The following AGAP1 variants were observed in gnomAD, a reference collection of about 807,000 sequenced individuals.
AGAP1 encodes the protein ArfGAP with GTPase domain, ankyrin repeat and PH domain 1.
In AGAP1, 29 loss-of-function variants were observed where a neutral mutation model predicts 105.3. The ratio of observed to expected loss-of-function variants is 0.28; its 90% CI spans 0.21 to 0.38. AGAP1 has a LOEUF of 0.38. AGAP1 is among the 10% of genes least tolerant of loss of function. The pLI is 1.00. For synonymous variants in AGAP1, 509 were observed against 485.9 expected (o/e 1.05, Z -0.63); for missense variants, 998 against 1,165.1 (o/e 0.86, Z 2.09).
rs1427732979 is a variant in AGAP1, at chr2:235,686,657, A to T, written c.164-22522A>T. 1.9e-3 allele frequency among the ~76,000 whole-genome samples: 101 copies of T among 54,230 alleles called. 2 individuals carry two copies. Among genetic ancestry groups the T allele is most frequent in the Middle Eastern group, 0.021 (2 of 96 alleles). 35.6% of individuals were successfully genotyped at this position (54,230 alleles called of 152,430 possible). ...TATATATATATATAGATATATATAT[A>T]TATATATATTTTTTTTTTTTTTTAG... On this transcript the variant is annotated intron_variant, in intron 1 of 17. Coordinates refer to ENST00000304032, the MANE Select transcript of AGAP1 (RefSeq NM_001037131.3).
At position 235,741,048 on chromosome 2, in the gene AGAP1, G is replaced by T; in HGVS notation, c.396G>T (p.Gln132His). Residue 132 changes from glutamine to histidine, a missense_variant and splice_region_variant, in exon 4 of 18, where the codon CAG (glutamine) becomes CAT (histidine). Gln to His is a conservative substitution (Grantham distance 24, BLOSUM62 0). Coordinates refer to ENST00000304032, the MANE Select transcript of AGAP1 (RefSeq NM_001037131.3). The surrounding 1 kb of genome is among the most constrained non-coding windows in gnomAD (Gnocchi z 4.9). ...ATGAAGGGGGCCCCCCGGAGGCGCA[G>T]GTGAGTATACATGCATGCCCCAAGC... ...IRDEGGPPEA[Q>H]FAMWVDAVIF... 1 of 1,613,942 alleles carries T rather than the reference G, an allele frequency of 6.2e-7. No individual in the cohort carries two copies. The highest frequency in any genetic ancestry group is 8.5e-7 in the Non-Finnish European group (1 of 1,179,860).
rs1949611039 is a variant in AGAP1, at chr2:235,689,062, TTG to T, written c.164-20116_164-20115del. Among the ~76,000 whole-genome samples the T allele has an allele frequency of 6.6e-6, 1 of 152,148 alleles. No homozygotes were observed. The highest frequency in any genetic ancestry group is 2.1e-4 in the South Asian group (1 of 4,820). ...CCCATAAATCTATAAGATTGATTGA[TTG>T]GTTATCTGTAGGAGACATCTACGTA... On this transcript the variant is annotated intron_variant, in intron 1 of 17. Coordinates refer to ENST00000304032, the MANE Select transcript of AGAP1 (RefSeq NM_001037131.3). The surrounding 1 kb of genome is among the most constrained non-coding windows in gnomAD (Gnocchi z 4.2).
intron 16 of AGAP1, among the ~76,000 whole-genome samples, chr2:236,110,393 C>CAA (rs11401711): frequency 0.076 from 11,060 of 145,086 alleles, 1,334 homozygotes; most frequent in African/African-American, 0.26. Context: ...CCCTTCTCTA[C>CAA]AAAAAAAAAA....
At chr2:236,060,437 C>T (rs1401397679) in intron 16 of AGAP1, among the ~76,000 whole-genome samples, 1 of 152,142 alleles carries the variant, frequency 6.6e-6, no homozygotes, top group Non-Finnish European at 1.5e-5. Flanking sequence ...GCCTGTAACC[C>T]TAGCACTTTG....
Position 235,875,099 on chromosome 2 carries a change from T to C in AGAP1, c.1051-8246T>C, listed in dbSNP as rs1371989084. 1.3e-5 allele frequency among the ~76,000 whole-genome samples: 2 copies of C among 152,144 alleles called. No homozygotes were observed. The highest frequency in any genetic ancestry group is 2.9e-5 in the Non-Finnish European group (2 of 68,024). ...GGGTCCTGGGATGGAGAGAGCCCTG[T>C]CACCCCCTCTCCCCCATCTGCCCTT... On this transcript the variant is annotated intron_variant, in intron 9 of 17. Coordinates refer to ENST00000304032, the MANE Select transcript of AGAP1 (RefSeq NM_001037131.3). The surrounding 1 kb of genome is among the most constrained non-coding windows in gnomAD (Gnocchi z 4.0).
In AGAP1 at chr2:236,042,705, G is replaced by A. The variant is rs898781585; in HGVS notation, c.1891+1864G>A. Among the ~76,000 whole-genome samples, 3 of 152,144 alleles carry A rather than the reference G, an allele frequency of 2.0e-5. No individual in the cohort carries two copies. Among genetic ancestry groups the A allele is most frequent in the South Asian group, 2.1e-4 (1 of 4,826 alleles). On this transcript the variant is annotated intron_variant, in intron 15 of 17. Coordinates refer to ENST00000304032, the MANE Select transcript of AGAP1 (RefSeq NM_001037131.3). This position sits in a 1 kb window ranked among gnomAD's most constrained non-coding sequence, Gnocchi z 5.6. ...CTGAGATGAGCTTGTGCATGTGAGT[G>A]CGGATGGGGGGTGGGAAAGGGAGGC...
rs1166997374 is a variant in AGAP1 at position 235,600,811 on chromosome 2, C to G, written c.163+105962C>G. Among the ~76,000 whole-genome samples, 2 of 152,216 alleles carry G rather than the reference C, an allele frequency of 1.3e-5. No homozygotes were observed. Among genetic ancestry groups the G allele is most frequent in the African/African-American group, 4.8e-5 (2 of 41,466 alleles). ...CCAGCCCGTTGACTCAAATGTTAATCTCCTTTGGCAGCGCCCTCACAGACA... is the reference window on the plus strand; with the variant it reads ...CCAGCCCGTTGACTCAAATGTTAATGTCCTTTGGCAGCGCCCTCACAGACA... On this transcript the variant is annotated intron_variant, in intron 1 of 17. Transcript: ENST00000304032. This position sits in a 1 kb window ranked among gnomAD's most constrained non-coding sequence, Gnocchi z 4.8.
intron 6 of AGAP1, chr2:235,783,188 GC>G: frequency 3.0e-6 from 1 of 335,132 alleles, no homozygotes; most frequent in Admixed American, 4.5e-5. Context: ...TGTTTCTCAG[GC>G]TTTTCTTAGT....
chr2:235,827,702 G>A (rs890838981), intron 9 of AGAP1, among the ~76,000 whole-genome samples: 2 of 152,160 alleles, frequency 1.3e-5, no homozygotes, highest in Non-Finnish European at 2.9e-5. Context: ...ATCGTCACCG[G>A]CATTGAACTA....
At chr2:236,084,785 T>C (rs1214108876) in intron 16 of AGAP1, among the ~76,000 whole-genome samples, 1 of 151,950 alleles carries the variant, frequency 6.6e-6, no homozygotes, top group African/African-American at 2.4e-5. Context: ...GCGCCTGTAG[T>C]CCCAGCTATT....
intron 1 of AGAP1, among the ~76,000 whole-genome samples, chr2:235,673,544 A>G (rs768761818): frequency 6.6e-6 from 1 of 152,350 alleles, no homozygotes; most frequent in Admixed American, 6.5e-5. Context: ...TGAAATATCC[A>G]TACTCAGTGA....
chr2:235,589,221 T>TTTTTA (rs1945248122), intron 1 of AGAP1, among the ~76,000 whole-genome samples: 1 of 134,308 alleles, frequency 7.4e-6, no homozygotes. Context: ...TTTTTTTTTT[T>TTTTTA]TGAGACGGAG....
intron 16 of AGAP1, among the ~76,000 whole-genome samples, chr2:236,067,818 T>C (rs771612700): frequency 6.6e-6 from 1 of 152,154 alleles, no homozygotes; most frequent in Non-Finnish European, 1.5e-5. Context: ...AAGAGTCTCA[T>C]GGAATCCAAA....
intron 12 of AGAP1, among the ~76,000 whole-genome samples, chr2:235,937,761 G>T (rs957900086): frequency 2.6e-5 from 4 of 152,170 alleles, no homozygotes; most frequent in African/African-American, 9.6e-5. Flanking sequence ...GTCACATAGG[G>T]GAGGGTGATG....
chr2:236,037,592 G>A (rs1008900234), intron 14 of AGAP1, among the ~76,000 whole-genome samples: 6 of 152,006 alleles, frequency 3.9e-5, no homozygotes, highest in Non-Finnish European at 7.4e-5. Flanking sequence ...ATTATTTGTG[G>A]AGGTGGGGTT....
At chr2:235,781,594 T>G (rs572152461) in intron 6 of AGAP1, among the ~76,000 whole-genome samples, 3 of 152,294 alleles carry the variant, frequency 2.0e-5, no homozygotes, top group African/African-American at 7.2e-5. Flanking sequence ...ACTTATTGAA[T>G]GCAGACAGTT....
chr2:235,921,467 C>A (rs967149912), intron 11 of AGAP1, among the ~76,000 whole-genome samples: 3 of 152,124 alleles, frequency 2.0e-5, no homozygotes, highest in African/African-American at 7.2e-5. Flanking sequence ...AACAGTACAA[C>A]AAAATAGGCC....
intron 1 of AGAP1, among the ~76,000 whole-genome samples, chr2:235,650,276 CACT>C (rs1947538293): frequency 6.6e-6 from 1 of 152,268 alleles, no homozygotes; most frequent in South Asian, 2.1e-4. Context: ...CAGGAAAAAT[CACT>C]TGAACTCGGG....
intron 1 of AGAP1, among the ~76,000 whole-genome samples, chr2:235,573,095 CTTCTTCTTCCTTTTTTTTTT>C (rs1944625636): frequency 8.7e-6 from 1 of 114,602 alleles, no homozygotes; most frequent in African/African-American, 4.0e-5. Flanking sequence ...CTTCTTTCTT[CTTCTTCTTCCTTTTTTTTTT>C]TTTTAAAGAT....
Sources: gnomAD v4.1 joint callset for allele counts (sites outside exome capture counted in the v4.1 genomes callset) on GRCh38, gnomAD v4.1.1 for gene constraint, Gnocchi (gnomAD v3.1) non-coding constraint, MANE v1.5 for transcripts, NCBI Gene and HGNC (gene_info 2026-07-23, HGNC 2026-07-21) for gene names.